The following KDM3B variants were observed in gnomAD, a reference collection of about 807,000 sequenced individuals.
KDM3B encodes lysine-specific demethylase 3B.
A neutral mutation model predicts 170.0 loss-of-function variants in KDM3B; 10 were observed. The ratio of observed to expected loss-of-function variants is 0.06; its 90% confidence interval spans 0.04 to 0.10. The LOEUF is 0.10. Among genes scored for constraint, KDM3B ranks in the 10% least tolerant of loss-of-function variants. The pLI is 1.00. For missense variants in KDM3B, 1,394 were observed against 2,195.2 expected (o/e 0.64, Z 7.29); for synonymous variants, 831 against 834.8 (o/e 1.00, Z 0.08).
intron 11 of KDM3B, among the ~76,000 whole-genome samples, chr5:138,409,067 A>G (rs1380694646): frequency 3.9e-5 from 6 of 152,276 alleles, no homozygotes; most frequent in African/African-American, 1.4e-4. Flanking sequence ...ACAACTATGT[A>G]TAAGTAGAAT....
intron 11 of KDM3B, among the ~76,000 whole-genome samples, chr5:138,407,553 C>T (rs1762854452): frequency 6.6e-6 from 1 of 152,114 alleles, no homozygotes; most frequent in South Asian, 2.1e-4. Context: ...TGATGAACCT[C>T]AGGTATTTAC....
intron 9 of KDM3B, among the ~76,000 whole-genome samples, chr5:138,397,374 G>A (rs942288985): frequency 6.6e-6 from 1 of 151,912 alleles, no homozygotes; most frequent in Non-Finnish European, 1.5e-5. Context: ...TGGATGTGGT[G>A]GCATGTCCCT....
chr5:138,365,431 T>C (rs1761720258), intron 1 of KDM3B, among the ~76,000 whole-genome samples: 1 of 151,994 alleles, frequency 6.6e-6, no homozygotes, highest in Admixed American at 6.6e-5. Flanking sequence ...CTAATTTTTG[T>C]ATTTTTAGTA....
At position 138,398,170 on chromosome 5, in the gene KDM3B, T is replaced by C. The variant is rs1184369645; in HGVS notation, c.2832-8T>C. 11 of 1,604,928 alleles carry C rather than the reference T, an allele frequency of 6.9e-6. No individual in the cohort carries two copies. The highest frequency in any genetic ancestry group is 8.5e-6 in the Non-Finnish European group (10 of 1,173,548). ...CTGCGATTTACCATGTATTTGATCA[T>C]GTCTCAGGTTGATCTTCACTCGAAA... On this transcript the variant is annotated splice_region_variant and splice_polypyrimidine_tract_variant and intron_variant, in intron 9 of 23. Coordinates refer to ENST00000314358, the MANE Select transcript of KDM3B (RefSeq NM_016604.4).
rs999124142 is a variant in KDM3B, at chr5:138,377,079, T to C, written c.475-641T>C. On this transcript the variant is annotated intron_variant, in intron 3 of 23. Transcript: ENST00000314358. Reference sequence around the variant, plus strand: ...TTGTTGATATGTCTTCCCCGCTCGTTAGGTTAATGATGATTTCTTTGTTGA... The same window carrying C: ...TTGTTGATATGTCTTCCCCGCTCGTCAGGTTAATGATGATTTCTTTGTTGA... Among the ~76,000 whole-genome samples the C allele has an allele frequency of 6.6e-5, 10 of 152,294 alleles. No individual in the cohort carries two copies. The East Asian group carries it at 1.7e-3, about 26-fold the overall frequency.
In KDM3B at chr5:138,396,167, C is replaced by T. The variant is rs889952675; in HGVS notation, c.2832-2011C>T. Among the ~76,000 whole-genome samples the T allele has an allele frequency of 3.3e-5, 5 of 151,942 alleles. No homozygotes were observed. The South Asian group carries it at 8.3e-4, about 25-fold the overall frequency. On this transcript the variant is annotated intron_variant, in intron 9 of 23. Coordinates refer to ENST00000314358, the MANE Select transcript of KDM3B (RefSeq NM_016604.4). ...CTGGAGTGCAGTGGCGCAATCTTGG[C>T]TCACTGCAATCTCCGCCTCCCGGGT...
At chr5:138,376,418 G>A (rs901025240) in intron 3 of KDM3B, among the ~76,000 whole-genome samples, 3 of 151,968 alleles carry the variant, frequency 2.0e-5, no homozygotes, top group Non-Finnish European at 4.4e-5. Context: ...AGAAGAGGTG[G>A]CTTCGGCCAG....
In KDM3B at chr5:138,435,664, C is replaced by T. The variant is rs928423160; in HGVS notation, c.5250C>T (p.Thr1750=). ...IYHAVKDAVG[T]LKAHESKLAR... is the part of the protein sequence containing the mutation. ...ATGCAGTGAAAGATGCGGTTGGCAC[C>T]CTCAAGGCTCATGAATCCAAACTGG... Residue 1750 remains threonine (T), a synonymous_variant, in exon 24 of 24, where the codon ACC becomes ACT. Transcript: ENST00000314358. 5 of 1,613,756 alleles carry T rather than the reference C, an allele frequency of 3.1e-6. No individual in the cohort carries two copies. The highest frequency in any genetic ancestry group is 4.5e-5 in the East Asian group (2 of 44,890).
chr5:138,358,641 C>G (rs933020866), intron 1 of KDM3B, among the ~76,000 whole-genome samples: 1 of 151,586 alleles, frequency 6.6e-6, no homozygotes, highest in African/African-American at 2.4e-5. Flanking sequence ...GTCATCCAGG[C>G]TGGAGTACAG....
At chr5:138,387,402 G>A (rs375458608) in intron 7 of KDM3B, among the ~76,000 whole-genome samples, 9 of 152,018 alleles carry the variant, frequency 5.9e-5, no homozygotes, top group Admixed American at 5.2e-4. Flanking sequence ...ATGAAATACA[G>A]AGATGAAATG....
intron 1 of KDM3B, among the ~76,000 whole-genome samples, chr5:138,370,111 T>C (rs1359436662): frequency 1.3e-5 from 2 of 152,334 alleles, no homozygotes; most frequent in African/African-American, 4.8e-5. Flanking sequence ...CTATGTCTTA[T>C]TCCCCTACAA....
In KDM3B at chr5:138,408,389, T is replaced by TA. The variant is rs769091269; in HGVS notation, c.3200-6729dup. On this transcript the variant is annotated intron_variant, in intron 11 of 23. Transcript: ENST00000314358. ...ATTAAACCTTTGCTCCTACACTCCT[T>TA]AAAAAAAAAAAAAAGAAAGAAATTG... Among the ~76,000 whole-genome samples, 249 of 135,408 alleles carry TA rather than the reference T, an allele frequency of 1.8e-3. 1 individual carries two copies. Among genetic ancestry groups the TA allele is most frequent in the Middle Eastern group, 7.4e-3 (2 of 270 alleles). The allele number at this position is 135,408 out of a possible 152,430, so 88.8% of individuals were successfully genotyped here. A position where few individuals can be genotyped will look rare whatever the true frequency, so the allele number is the denominator to read the frequency against.
chr5:138,395,843 C>A (rs1203259828), intron 9 of KDM3B, among the ~76,000 whole-genome samples: 3 of 151,842 alleles, frequency 2.0e-5, no homozygotes, highest in Non-Finnish European at 2.9e-5. Context: ...GTCTTGAACT[C>A]CTAACCTGAG....
chr5:138,381,580 C>T lies in KDM3B; in HGVS notation c.770C>T (p.Pro257Leu). The T allele has an allele frequency of 6.3e-7, 1 of 1,595,480 alleles. No homozygotes were observed. Among genetic ancestry groups the T allele is most frequent in the Non-Finnish European group, 8.6e-7 (1 of 1,162,926 alleles). The change falls in exon 6 of 24, where the codon CCT becomes CTT. Residue 257 changes from proline to leucine, a missense_variant. By Grantham distance (98) the Pro-to-Leu change is moderately conservative. Transcript: ENST00000314358. ...IHVMLMDNSA[P>L]QSEGGTLKAV... ...GTGATGCTGATGGATAATTCAGCGC[C>T]TCAAAGCGAGGTACAGTAATGGACT...
rs1450926701 is a variant in KDM3B, at chr5:138,426,962, C to T, written c.4412-13C>T. ...ACCAGCAGATGTTTGTGGGAGTATT[C>T]TCTGTCTTCCAGAACGACTACGGTC... On this transcript the variant is annotated splice_polypyrimidine_tract_variant and intron_variant, in intron 17 of 23. Coordinates refer to ENST00000314358, the MANE Select transcript of KDM3B (RefSeq NM_016604.4). 1 of 1,607,514 alleles carries T rather than the reference C, an allele frequency of 6.2e-7. No individual in the cohort carries two copies. The highest frequency in any genetic ancestry group is 1.1e-5 in the South Asian group (1 of 90,916).
Position 138,392,082 on chromosome 5 carries a change from A to C in KDM3B, c.2450A>C (p.Asp817Ala), listed in dbSNP as rs1762448487. The stretch of plus-strand genomic sequence containing the variant: ...GACTCGGACTCCAGCACCAACAGTG[A>C]CCTGTCAGATTTGAGTGACTCTGAG... Reference protein sequence around the residue: ...RQDSDSSTNSDLSDLSDSEEQ... With the variant: ...RQDSDSSTNSALSDLSDSEEQ... The change falls in exon 8 of 24, where the codon GAC (aspartate) becomes GCC (alanine). Residue 817 changes from aspartate (D) to alanine (A), a missense_variant. By Grantham distance (126) the Asp-to-Ala change is moderately radical (BLOSUM62 -2). This residue lies in a region of KDM3B where 84 missense variants were observed against 135.8 expected (regional missense o/e 0.62). Transcript: ENST00000314358. 1 of 1,612,478 alleles carries C rather than the reference A, an allele frequency of 6.2e-7. No individual in the cohort carries two copies. Among genetic ancestry groups the C allele is most frequent in the Non-Finnish European group, 8.5e-7 (1 of 1,178,722 alleles).
intron 15 of KDM3B, among the ~76,000 whole-genome samples, chr5:138,422,429 G>A (rs191265682): frequency 1.6e-4 from 25 of 152,226 alleles, no homozygotes; most frequent in African/African-American, 6.0e-4. Context: ...TTGAGGTCAG[G>A]AGTTCGAGAC....
At chr5:138,420,595 A>G in intron 14 of KDM3B, 111 bp from the exon 15 acceptor site, 1 of 1,212,456 alleles carries the variant, frequency 8.2e-7, no homozygotes, top group Non-Finnish European at 1.2e-6. Flanking sequence ...GGGGGGTGCA[A>G]GGGAAAGGAG....
chr5:138,376,693 G>C (rs1006068218), intron 3 of KDM3B, among the ~76,000 whole-genome samples: 29 of 147,438 alleles, frequency 2.0e-4, no homozygotes, highest in African/African-American at 7.3e-4. Flanking sequence ...GACTGAGTGA[G>C]ACTCCATCTC....
Sources: allele counts gnomAD v4.1 joint callset (sites outside exome capture counted in the v4.1 genomes callset), GRCh38; gene constraint gnomAD v4.1.1; regional missense constraint gnomAD v4.1.1; transcripts MANE v1.5; gene names NCBI Gene and HGNC (gene_info 2026-07-23, HGNC 2026-07-21).